CORIN: variants seen among roughly 807,000 people sequenced by gnomAD.
CORIN encodes the protein corin, serine peptidase.
Under a neutral mutation model 125.3 loss-of-function variants are expected in CORIN, and 117 were observed. That is an observed-to-expected ratio of 0.93 (90% CI 0.80 to 1.09). The LOEUF (loss-of-function observed/expected upper bound fraction) is 1.09. Among genes scored for constraint, CORIN ranks in the 50% least tolerant of loss-of-function variants. CORIN has a pLI of 0.00. For missense variants in CORIN, 1,253 were observed against 1,306.7 expected (o/e 0.96, Z 0.63); for synonymous variants, 450 against 466.4 (o/e 0.96, Z 0.45).
chr4:47,616,646 G>A (rs13151904), intron 19 of CORIN, among the ~76,000 whole-genome samples: 40,919 of 151,964 alleles, frequency 0.27, 5,649 homozygotes, highest in Admixed American at 0.35. Flanking sequence ...TTTAACAAGC[G>A]TCACTTCTGT....
intron 19 of CORIN, among the ~76,000 whole-genome samples, chr4:47,608,173 T>C (rs1281592417): frequency 6.6e-6 from 1 of 151,692 alleles, no homozygotes; most frequent in African/African-American, 2.4e-5. Flanking sequence ...ATACAAAAAT[T>C]AGCTAGGTGT....
chr4:47,803,603 G>A (rs1055508257), intron 2 of CORIN, among the ~76,000 whole-genome samples: 11 of 152,228 alleles, frequency 7.2e-5, no homozygotes, highest in South Asian at 2.1e-4. Flanking sequence ...CATACATTGC[G>A]GAAAGAACAG....
intron 2 of CORIN, among the ~76,000 whole-genome samples, chr4:47,806,416 T>G (rs1305225308): frequency 6.6e-6 from 1 of 152,224 alleles, no homozygotes; most frequent in Non-Finnish European, 1.5e-5. Flanking sequence ...CAGTAGTTAT[T>G]TTCTCTGCCA....
intron 2 of CORIN, among the ~76,000 whole-genome samples, chr4:47,805,821 G>T (rs1445462649): frequency 2.0e-5 from 3 of 152,120 alleles, no homozygotes; most frequent in Non-Finnish European, 2.9e-5. Context: ...AAAATAATAG[G>T]GAGGTTTGGC....
chr4:47,767,109 A>C (rs1382608930), intron 3 of CORIN, among the ~76,000 whole-genome samples: 1 of 152,184 alleles, frequency 6.6e-6, no homozygotes, highest in African/African-American at 2.4e-5. Flanking sequence ...ATCAGAAGAT[A>C]AATATTTTTA....
intron 6 of CORIN, among the ~76,000 whole-genome samples, chr4:47,687,300 C>A (rs888831695): frequency 1.3e-5 from 2 of 152,174 alleles, no homozygotes; most frequent in Non-Finnish European, 2.9e-5. Context: ...CACAGTGTCT[C>A]CTTTTACTGA....
At chr4:47,760,668 AAC>A (rs1358010035) in intron 4 of CORIN, among the ~76,000 whole-genome samples, 1 of 152,202 alleles carries the variant, frequency 6.6e-6, no homozygotes, top group Non-Finnish European at 1.5e-5. Context: ...AGACCTTAAC[AAC>A]AGAGTCAGTC....
intron 5 of CORIN, among the ~76,000 whole-genome samples, chr4:47,701,806 G>A (rs1286133837): frequency 8.1e-6 from 1 of 122,906 alleles, no homozygotes; most frequent in Non-Finnish European, 1.6e-5. Context: ...ATTTTGGAAG[G>A]AAGGAAGGAA....
rs147955908 is a variant in CORIN at position 47,687,221 on chromosome 4, T to C, written c.914-3383A>G. Among the ~76,000 whole-genome samples, 245 of 152,346 alleles carry C rather than the reference T, an allele frequency of 1.6e-3. 2 individuals are homozygous for C. Among genetic ancestry groups the C allele is most frequent in the Non-Finnish European group, 3.0e-3 (201 of 68,028 alleles). The stretch of plus-strand genomic sequence containing the variant: ...GTGTGATTAGTAAACACGCAAAACC[T>C]TAACCAGAGGCACTGCAAAGCCAGA... On this transcript the variant is annotated intron_variant, in intron 6 of 21. Transcript: ENST00000273857.
At chr4:47,786,955 C>A (rs772897228) in intron 2 of CORIN, 30 bp from the exon 3 acceptor site, 25 of 1,475,736 alleles carry the variant, frequency 1.7e-5, no homozygotes, top group African/African-American at 2.8e-5. Context: ...ACAAAAAAAA[C>A]CTATCTTTGA....
chr4:47,816,990 T>C (rs1732300486), intron 1 of CORIN, among the ~76,000 whole-genome samples: 1 of 152,182 alleles, frequency 6.6e-6, no homozygotes, highest in African/African-American at 2.4e-5. Flanking sequence ...TACGGTGTGG[T>C]CAGCTTGACT....
chr4:47,706,603 G>A (rs539547999), intron 5 of CORIN: 7 of 1,604,350 alleles, frequency 4.4e-6, no homozygotes, highest in Non-Finnish European at 6.0e-6. Flanking sequence ...AGTTCCTAAG[G>A]GTGCAACTTA....
chr4:47,706,614 C>A (rs1014637699), intron 5 of CORIN: 3 of 1,602,168 alleles, frequency 1.9e-6, no homozygotes, highest in East Asian at 2.2e-5. Flanking sequence ...GTGCAACTTA[C>A]GGCAAGCCTG....
At chr4:47,786,391 A>G (rs1342774300) in intron 3 of CORIN, among the ~76,000 whole-genome samples, 4 of 152,078 alleles carry the variant, frequency 2.6e-5, no homozygotes, top group Admixed American at 2.6e-4. Context: ...AGAAAAAAAA[A>G]TTAGCTGGGC....
At chr4:47,595,954 G>T in intron 21 of CORIN, 51 bp from the exon 22 acceptor site, 1 of 1,447,106 alleles carries the variant, frequency 6.9e-7, no homozygotes, top group Non-Finnish European at 9.5e-7. Flanking sequence ...GGGCAGTAAT[G>T]TGTGTCCATG....
intron 3 of CORIN, among the ~76,000 whole-genome samples, chr4:47,767,746 A>G (rs967611445): frequency 9.9e-4 from 151 of 152,348 alleles, no homozygotes; most frequent in African/African-American, 3.5e-3. Context: ...AGAAAACCTT[A>G]CAATCGACAC....
intron 5 of CORIN, among the ~76,000 whole-genome samples, chr4:47,713,978 G>A (rs979426683): frequency 6.6e-6 from 1 of 151,982 alleles, no homozygotes; most frequent in Non-Finnish European, 1.5e-5. Flanking sequence ...ATATTCAAAT[G>A]ACTGAATTAA....
intron 5 of CORIN, among the ~76,000 whole-genome samples, chr4:47,718,089 G>T (rs1727185548): frequency 6.6e-6 from 1 of 152,184 alleles, no homozygotes; most frequent in Admixed American, 6.5e-5. Context: ...CAAGCCATCT[G>T]ACTATGTGCC....
At chr4:47,818,937 A>G (rs1732389564) in intron 1 of CORIN, among the ~76,000 whole-genome samples, 1 of 152,002 alleles carries the variant, frequency 6.6e-6, no homozygotes, top group Non-Finnish European at 1.5e-5. Flanking sequence ...AAATCTGGAT[A>G]TATTGAACAG....
Sources: gnomAD v4.1 joint callset for allele counts (sites outside exome capture counted in the v4.1 genomes callset) on GRCh38, gnomAD v4.1.1 for gene constraint, MANE v1.5 for transcripts, NCBI Gene and HGNC (gene_info 2026-07-23, HGNC 2026-07-21) for gene names.